Variants in MCMDC2 observed in about 807,000 individuals in gnomAD.
MCMDC2 encodes minichromosome maintenance domain containing 2, also known as minichromosome maintenance domain-containing protein 2.
MCMDC2 carries 54 observed loss-of-function variants against 75.8 expected under a neutral mutation model. The observed-to-expected ratio is 0.71, with a 90% CI of 0.57 to 0.89. MCMDC2 has a LOEUF of 0.89. Among genes scored for constraint, MCMDC2 ranks in the 40% least tolerant of loss-of-function variants. The pLI is 0.00. For missense variants in MCMDC2, 656 were observed against 780.4 expected (o/e 0.84, Z 1.90); for synonymous variants, 249 against 274.6 (o/e 0.91, Z 0.92).
chr8:66,871,320 C>T (rs1003458895), intron 1 of MCMDC2, among the ~76,000 whole-genome samples: 1 of 152,102 alleles, frequency 6.6e-6, no homozygotes, highest in African/African-American at 2.4e-5. Context: ...GGGAACTTTT[C>T]CTCATGTCCT....
At chr8:66,881,101 G>A (rs1811537564) in intron 8 of MCMDC2, 127 bp downstream of exon 8, 1 of 707,040 alleles carries the variant, frequency 1.4e-6, no homozygotes. Flanking sequence ...TTGTAAACAG[G>A]ACAGTCAAGG....
rs200760290 is a variant in MCMDC2, at chr8:66,878,693, G to A, written c.601G>A (p.Gly201Ser). Residue 201 changes from glycine to serine, a missense_variant, in exon 6 of 15, where the codon GGT (glycine) becomes AGT (serine). Coordinates refer to ENST00000422365, the MANE Select transcript of MCMDC2 (RefSeq NM_173518.5). ...LQEDRKFRVL[G>S]DKQIVEIIAT... ...AGAAGACAGAAAATTTAGAGTACTT[G>A]GTGGTAATATGCATTTATATTTTGT... 120 of 1,561,000 alleles carry A rather than the reference G, an allele frequency of 7.7e-5. 1 individual carries two copies. In the Admixed American group the frequency reaches 2.4e-3, roughly 31 times the overall value.
chr8:66,889,209 T>C (rs914199938), intron 9 of MCMDC2, among the ~76,000 whole-genome samples: 1 of 152,256 alleles, frequency 6.6e-6, no homozygotes, highest in Non-Finnish European at 1.5e-5. Context: ...ACTAGGAAGC[T>C]GTAATTTCTG....
chr8:66,888,625 T>C (rs1811953696), intron 9 of MCMDC2, among the ~76,000 whole-genome samples: 1 of 152,274 alleles, frequency 6.6e-6, no homozygotes, highest in South Asian at 2.1e-4. Flanking sequence ...TTTTTGATGC[T>C]ACTAAAATGG....
rs190615956 is a variant in MCMDC2, at chr8:66,915,495, T to A, written c.1880-3508T>A. On this transcript the variant is annotated intron_variant, in intron 14 of 14. Coordinates refer to ENST00000422365, the MANE Select transcript of MCMDC2 (RefSeq NM_173518.5). ...TATATTTATATATATATTTATATAT[T>A]TATATATGTTTTATATATTTATATA... Among the ~76,000 whole-genome samples the A allele has an allele frequency of 9.8e-3, 1,433 of 146,840 alleles. 6 individuals carry two copies. The highest frequency in any genetic ancestry group is 0.018 in the Middle Eastern group (5 of 276).
intron 12 of MCMDC2, among the ~76,000 whole-genome samples, chr8:66,898,768 A>T (rs761176876): frequency 6.6e-6 from 1 of 152,198 alleles, no homozygotes; most frequent in Non-Finnish European, 1.5e-5. Flanking sequence ...TTCATGGAGG[A>T]GGCTGGACAT....
In MCMDC2 at chr8:66,915,993, C is replaced by T. The variant is rs758532422; in HGVS notation, c.1880-3010C>T. ...GTTTGAGTAAGATTCAGTTTGGTAA[C>T]CTAAAGGTTGTAGGTAGCCATGATC... On this transcript the variant is annotated intron_variant, in intron 14 of 14. Transcript: ENST00000422365. Among the ~76,000 whole-genome samples the T allele has an allele frequency of 2.1e-4, 32 of 151,818 alleles. 1 individual carries two copies. Among genetic ancestry groups the T allele is most frequent in the South Asian group, 4.2e-4 (2 of 4,810 alleles).
At chr8:66,878,954 C>A in intron 7 of MCMDC2, 35 bp downstream of exon 7, 1 of 1,333,692 alleles carries the variant, frequency 7.5e-7, no homozygotes, top group South Asian at 1.2e-5. Flanking sequence ...AAAAAAATTG[C>A]TATAAATATG....
intron 14 of MCMDC2, among the ~76,000 whole-genome samples, chr8:66,910,723 C>A (rs762925364): frequency 6.6e-6 from 1 of 151,808 alleles, no homozygotes; most frequent in South Asian, 2.1e-4. Context: ...GCTGGAGAAT[C>A]GCTTGAACCC....
chr8:66,872,957 C>CAAAAAAAAAAAAAAAAAAAAA (rs749748721), intron 1 of MCMDC2, among the ~76,000 whole-genome samples: 1 of 40,124 alleles, frequency 2.5e-5, no homozygotes, highest in Non-Finnish European at 5.2e-5. Flanking sequence ...GACTCCATCT[C>CAAAAAAAAAAAAAAAAAAAAA]AAAAAAAAAA....
chr8:66,901,352 G>A lies in MCMDC2; in HGVS notation c.1769+4G>A. ...CAGCATCTGCATTAAAATATCTGTAGGTATTCAATTCAAGATTTTAAAATC... is the reference window on the plus strand; with the variant it reads ...CAGCATCTGCATTAAAATATCTGTAAGTATTCAATTCAAGATTTTAAAATC... On this transcript the variant is annotated splice_donor_region_variant and intron_variant, in intron 13 of 14. Transcript: ENST00000422365. 2 of 1,595,910 alleles carry A rather than the reference G, an allele frequency of 1.3e-6. No individual in the cohort carries two copies. Among genetic ancestry groups the A allele is most frequent in the Non-Finnish European group, 8.5e-7 (1 of 1,173,962 alleles).
At chr8:66,910,611 ACCAGCCTGG>A (rs1304502489) in intron 14 of MCMDC2, among the ~76,000 whole-genome samples, 3 of 152,102 alleles carry the variant, frequency 2.0e-5, no homozygotes, top group Non-Finnish European at 2.9e-5. Context: ...GGAGTTGGAG[ACCAGCCTGG>A]CCAACATGGT....
intron 10 of MCMDC2, among the ~76,000 whole-genome samples, chr8:66,892,026 C>T (rs537570279): frequency 1.1e-3 from 173 of 152,348 alleles, no homozygotes; most frequent in African/African-American, 3.9e-3. Flanking sequence ...ACAGCTCTCT[C>T]GTTCCTGCTG....
At chr8:66,898,752 G>A (rs77421448) in intron 12 of MCMDC2, among the ~76,000 whole-genome samples, 5,031 of 152,226 alleles carry the variant, frequency 0.033, 297 homozygotes, top group African/African-American at 0.11. Context: ...CAGAAGCTGG[G>A]AAAACTTCAT....
chr8:66,896,614 C>G (rs1219001606), intron 11 of MCMDC2, among the ~76,000 whole-genome samples, 166 bp from the exon 12 acceptor site: 1 of 151,822 alleles, frequency 6.6e-6, no homozygotes, highest in Non-Finnish European at 1.5e-5. Context: ...AAATCAATCA[C>G]TAAAAAGTTC....
chr8:66,889,172 CTA>C (rs1264906402), intron 9 of MCMDC2, among the ~76,000 whole-genome samples: 1 of 152,182 alleles, frequency 6.6e-6, no homozygotes, highest in Non-Finnish European at 1.5e-5. Context: ...TGTCACATGT[CTA>C]TGTCTACTCA....
intron 13 of MCMDC2, among the ~76,000 whole-genome samples, chr8:66,904,326 A>C (rs1311861621): frequency 6.6e-6 from 1 of 152,176 alleles, no homozygotes; most frequent in East Asian, 1.9e-4. Context: ...AACACGGAGC[A>C]ATCAAAAAGT....
rs1424392931 is a variant in MCMDC2, at chr8:66,871,763, T to C, written c.-89+932T>C. Among the ~76,000 whole-genome samples, 7 of 151,824 alleles carry C rather than the reference T, an allele frequency of 4.6e-5. No individual in the cohort carries two copies. The East Asian group carries it at 1.4e-3, about 29-fold the overall frequency. ...CCGTCTCTACAAAAAAATTAAAAATTATCTGGATGTGGTGGCACGTGCCTA... is the reference window on the plus strand; with the variant it reads ...CCGTCTCTACAAAAAAATTAAAAATCATCTGGATGTGGTGGCACGTGCCTA... On this transcript the variant is annotated intron_variant, in intron 1 of 14. Transcript: ENST00000422365.
At chr8:66,912,294 T>C (rs1259259394) in intron 14 of MCMDC2, among the ~76,000 whole-genome samples, 1 of 152,210 alleles carries the variant, frequency 6.6e-6, no homozygotes, top group Non-Finnish European at 1.5e-5. Flanking sequence ...ACTTAATTGC[T>C]ATAGACTGAT....
Sources: allele counts gnomAD v4.1 joint callset (sites outside exome capture counted in the v4.1 genomes callset), GRCh38; gene constraint gnomAD v4.1.1; transcripts MANE v1.5; gene names NCBI Gene and HGNC (gene_info 2026-07-23, HGNC 2026-07-21).